The following HEATR6 variants were observed in gnomAD, a reference collection of about 807,000 sequenced individuals.
HEATR6 encodes the protein HEAT repeat containing 6.
HEATR6 carries 106 observed loss-of-function variants against 132.8 expected under a neutral mutation model. That is an observed-to-expected ratio of 0.80 (90% CI 0.68 to 0.94). The LOEUF (loss-of-function observed/expected upper bound fraction) is 0.94, where lower values mean the gene tolerates loss of function less well. HEATR6 is among the 40% of genes least tolerant of loss of function. The pLI is 0.00. For missense variants in HEATR6, 1,339 were observed against 1,425.1 expected (o/e 0.94, Z 0.97); for synonymous variants, 529 against 537.8 (o/e 0.98, Z 0.23).
intron 7 of HEATR6, among the ~76,000 whole-genome samples, chr17:60,069,082 C>T (rs2083256710): frequency 6.6e-6 from 1 of 152,190 alleles, no homozygotes; most frequent in African/African-American, 2.4e-5. Context: ...GAATCCTTGG[C>T]CATACATCTG....
At chr17:60,052,399 T>C (rs1906611651) in intron 14 of HEATR6, among the ~76,000 whole-genome samples, 1 of 152,212 alleles carries the variant, frequency 6.6e-6, no homozygotes, top group South Asian at 2.1e-4. Flanking sequence ...TACTCATTAA[T>C]AGACAAGCAA....
At chr17:60,053,463 T>C (rs1411984756) in intron 14 of HEATR6, among the ~76,000 whole-genome samples, 1 of 152,128 alleles carries the variant, frequency 6.6e-6, no homozygotes, top group Non-Finnish European at 1.5e-5. Context: ...GACCTAAAAA[T>C]GTGGAAGCAG....
chr17:60,068,219 C>A (rs1475284130), intron 7 of HEATR6, among the ~76,000 whole-genome samples: 1 of 152,186 alleles, frequency 6.6e-6, no homozygotes, highest in Non-Finnish European at 1.5e-5. Flanking sequence ...CATGCCTGCA[C>A]AGAAGAGACG....
chr17:60,047,826 C>T (rs1455098640), intron 17 of HEATR6, among the ~76,000 whole-genome samples: 2 of 152,150 alleles, frequency 1.3e-5, no homozygotes, highest in Admixed American at 6.6e-5. Flanking sequence ...GACACGTGCA[C>T]ATGAATAACC....
rs145514877 is a variant in HEATR6, at chr17:60,065,725, A to C, written c.1416+484T>G. Among the ~76,000 whole-genome samples the C allele has an allele frequency of 3.8e-3, 579 of 152,352 alleles. 4 individuals carry two copies. The highest frequency in any genetic ancestry group is 0.013 in the African/African-American group (547 of 41,580). On this transcript the variant is annotated intron_variant, in intron 9 of 19. Coordinates refer to ENST00000184956, the MANE Select transcript of HEATR6 (RefSeq NM_022070.5). Reference sequence around the variant, plus strand: ...TTGAAAACTAGAAAAGTTGCAAGAAAAAATCATGTTTGGGATCCTACTGTA... The same window carrying C: ...TTGAAAACTAGAAAAGTTGCAAGAACAAATCATGTTTGGGATCCTACTGTA...
intron 1 of HEATR6, among the ~76,000 whole-genome samples, chr17:60,077,062 G>T (rs1307345370): frequency 6.6e-6 from 1 of 152,060 alleles, no homozygotes; most frequent in Admixed American, 6.6e-5. Flanking sequence ...TAGGTCTTTG[G>T]GCTCCAAAGG....
At position 60,043,719 on chromosome 17, in the gene HEATR6, C is replaced by G; in HGVS notation, c.3390G>C (p.Gln1130His). 6.2e-7 allele frequency: 1 copy of G among 1,614,214 alleles called. No homozygotes were observed. Among genetic ancestry groups the G allele is most frequent in the African/African-American group, 1.3e-5 (1 of 75,058 alleles). Residue 1130 changes from glutamine (Q) to histidine (H), a missense_variant, in exon 20 of 20, where the codon CAG (glutamine) becomes CAC (histidine). Gln to His is a conservative substitution (Grantham distance 24). Transcript: ENST00000184956. ...GAPHSPQERD[Q>H]MVRMALKHMG... ...TGTGTTTAAGGGCCATTCTGACCAT[C>G]TGGTCTCTTTCCTGTGGGCTGTGGG...
At position 60,050,914 on chromosome 17, in the gene HEATR6, G is replaced by A; in HGVS notation, c.2353C>T (p.His785Tyr). Reference protein sequence around the residue: ...PLPRALQNSEHPTLQASACDA... With the variant: ...PLPRALQNSEYPTLQASACDA... ...CAGGCGCTCGCCTGGAGAGTTGGGT[G>A]TTCTGAATTCTGCAGGGCTCTGGGT... The change falls in exon 15 of 20, where the codon CAC (histidine) becomes TAC (tyrosine). Residue 785 changes from histidine to tyrosine, a missense_variant. By Grantham distance (83) the His-to-Tyr change is moderately conservative. Coordinates refer to ENST00000184956, the MANE Select transcript of HEATR6 (RefSeq NM_022070.5). 6.2e-7 allele frequency: 1 copy of A among 1,614,154 alleles called. No homozygotes were observed. Among genetic ancestry groups the A allele is most frequent in the Non-Finnish European group, 8.5e-7 (1 of 1,179,990 alleles).
chr17:60,058,178 C>T (rs1296964818), intron 11 of HEATR6, among the ~76,000 whole-genome samples: 1 of 152,198 alleles, frequency 6.6e-6, no homozygotes, highest in Non-Finnish European at 1.5e-5. Flanking sequence ...ATTGAGACTG[C>T]ACTGAATCTA....
intron 19 of HEATR6, among the ~76,000 whole-genome samples, chr17:60,044,974 A>C (rs564167899): frequency 6.6e-6 from 1 of 152,312 alleles, no homozygotes; most frequent in Non-Finnish European, 1.5e-5. Context: ...TAGCTCTGCT[A>C]CTGGATGCTT....
At chr17:60,070,681 A>G in intron 6 of HEATR6, 25 bp downstream of exon 6, 1 of 1,308,436 alleles carries the variant, frequency 7.6e-7, no homozygotes, top group Non-Finnish European at 1.1e-6. Flanking sequence ...AGGAAAGACA[A>G]TGATCATATG....
chr17:60,065,274 G>T (rs540295613), intron 9 of HEATR6, among the ~76,000 whole-genome samples: 2 of 152,250 alleles, frequency 1.3e-5, no homozygotes, highest in East Asian at 3.9e-4. Context: ...CCTTGTAAAA[G>T]CTTCTGATGG....
chr17:60,048,173 A>G (rs1395713101), intron 17 of HEATR6, 91 bp downstream of exon 17: 1 of 1,360,764 alleles, frequency 7.3e-7, no homozygotes, highest in Non-Finnish European at 1.0e-6. Flanking sequence ...TGCGGGAACT[A>G]CTGCTGATTC....
At position 60,044,016 on chromosome 17, in the gene HEATR6, C is replaced by T. The variant is rs762814566; in HGVS notation, c.3093G>A (p.Glu1031=). Residue 1031 remains glutamate (E), a synonymous_variant, in exon 20 of 20, where the codon GAG becomes GAA. Transcript: ENST00000184956. The part of the protein sequence containing the change: ...AAALSVPGKR[E]QYGSVDQYAR... Reference sequence around the variant, plus strand: ...CATACTGGTCAACAGACCCGTACTGCTCTCTCTTCCCCGGGACGGAAAGGG... The same window carrying T: ...CATACTGGTCAACAGACCCGTACTGTTCTCTCTTCCCCGGGACGGAAAGGG... 8.1e-6 allele frequency: 13 copies of T among 1,614,058 alleles called. No homozygotes were observed. The highest frequency in any genetic ancestry group is 3.3e-5 in the Admixed American group (2 of 60,006).
chr17:60,069,166 T>C (rs775536195), intron 7 of HEATR6, among the ~76,000 whole-genome samples: 1 of 152,206 alleles, frequency 6.6e-6, no homozygotes, highest in Non-Finnish European at 1.5e-5. Flanking sequence ...CAGGTGAATG[T>C]AAGGTGTGGA....
At chr17:60,046,598 GTC>G (rs1442178871) in intron 18 of HEATR6, among the ~76,000 whole-genome samples, 1 of 152,164 alleles carries the variant, frequency 6.6e-6, no homozygotes. Flanking sequence ...CTAGACTAGA[GTC>G]TCAACCTCTG....
chr17:60,047,299 G>C lies in HEATR6; in HGVS notation c.2769+10C>G. The stretch of plus-strand genomic sequence containing the variant: ...TGTTTGGGAGATACTGGGTTTTGTT[G>C]TGAGTCTACCTTGTCTTTATCCTTG... On this transcript the variant is annotated intron_variant, in intron 18 of 19. Transcript: ENST00000184956. 1.3e-6 allele frequency: 2 copies of C among 1,571,804 alleles called. No homozygotes were observed. Among genetic ancestry groups the C allele is most frequent in the Non-Finnish European group, 1.7e-6 (2 of 1,144,748 alleles).
At chr17:60,058,942 G>A (rs1906843445) in intron 11 of HEATR6, among the ~76,000 whole-genome samples, 1 of 152,232 alleles carries the variant, frequency 6.6e-6, no homozygotes, top group Non-Finnish European at 1.5e-5. Flanking sequence ...ACTGCACTTA[G>A]TAAAGATTTG....
intron 9 of HEATR6, among the ~76,000 whole-genome samples, chr17:60,061,740 C>T (rs949910076): frequency 6.6e-6 from 1 of 152,278 alleles, no homozygotes; most frequent in East Asian, 1.9e-4. Context: ...CCATTCTTAG[C>T]TAACAGGCTG....
Sources: allele counts gnomAD v4.1 joint callset (sites outside exome capture counted in the v4.1 genomes callset), GRCh38; gene constraint gnomAD v4.1.1; transcripts MANE v1.5; gene names NCBI Gene and HGNC (gene_info 2026-07-23, HGNC 2026-07-21).